CRPPA: variants seen among roughly 807,000 people sequenced by gnomAD.
CRPPA encodes the protein D-ribitol-5-phosphate cytidylyltransferase.
CRPPA carries 43 observed loss-of-function variants against 52.0 expected under a neutral mutation model. The observed-to-expected ratio is 0.83, with a 90% CI of 0.65 to 1.07. The LOEUF (loss-of-function observed/expected upper bound fraction) is 1.07. Among genes scored for constraint, CRPPA ranks in the 50% least tolerant of loss-of-function variants. CRPPA has a pLI of 0.00. For missense variants in CRPPA, 629 were observed against 551.7 expected, an observed-to-expected ratio of 1.14 and a Z score of -1.40; for synonymous variants, 250 against 203.5, an observed-to-expected ratio of 1.23 and a Z score of -1.94.
intron 1 of CRPPA, among the ~76,000 whole-genome samples, 173 bp from the exon 2 acceptor site, chr7:16,406,510 G>T (rs1408378034): frequency 6.6e-6 from 1 of 152,154 alleles, no homozygotes; most frequent in Non-Finnish European, 1.5e-5. Context: ...TGATGAAAAA[G>T]AATCAGTGAG....
At chr7:16,169,356 C>T (rs1035827616) in intron 9 of CRPPA, among the ~76,000 whole-genome samples, 1 of 152,044 alleles carries the variant, frequency 6.6e-6, no homozygotes, top group Non-Finnish European at 1.5e-5. Flanking sequence ...ACAGAAAAAG[C>T]TCCAGCTATA....
At chr7:16,279,855 T>A (rs536009645) in intron 5 of CRPPA, among the ~76,000 whole-genome samples, 2 of 152,330 alleles carry the variant, frequency 1.3e-5, no homozygotes, top group East Asian at 3.9e-4. Flanking sequence ...ACACTCCTGA[T>A]AAAGATATAC....
intron 9 of CRPPA, among the ~76,000 whole-genome samples, chr7:16,149,596 A>C (rs1449170590): frequency 3.3e-5 from 5 of 152,216 alleles, no homozygotes; most frequent in African/African-American, 4.8e-5. Flanking sequence ...ATTTAAAGAG[A>C]TATTATGTAG....
At chr7:16,275,870 GA>G (rs925724525) in intron 6 of CRPPA, among the ~76,000 whole-genome samples, 7 of 145,856 alleles carry the variant, frequency 4.8e-5, no homozygotes, top group South Asian at 4.3e-4. Flanking sequence ...CAGAAAGAAA[GA>G]AAAAAAAAGA....
chr7:16,213,617 C>T (rs552155087), intron 9 of CRPPA, among the ~76,000 whole-genome samples: 11 of 151,848 alleles, frequency 7.2e-5, no homozygotes, highest in Admixed American at 3.3e-4. Context: ...GGCATGGTGG[C>T]GGGCACCCAT....
Position 16,200,389 on chromosome 7 carries a change from T to C in CRPPA, c.1251+15677A>G, listed in dbSNP as rs138148204. Among the ~76,000 whole-genome samples, 77 of 152,296 alleles carry C rather than the reference T, an allele frequency of 5.1e-4. No homozygotes were observed. The East Asian group carries it at 0.013, about 26-fold the overall frequency. ...TCAAATCTATATAGTATTTCAAAAGTTGTATTACACAAAGAGTAGTATTTA... is the reference window on the plus strand; with the variant it reads ...TCAAATCTATATAGTATTTCAAAAGCTGTATTACACAAAGAGTAGTATTTA... On this transcript the variant is annotated intron_variant, in intron 9 of 9. Coordinates refer to ENST00000407010, the MANE Select transcript of CRPPA (RefSeq NM_001101426.4).
At chr7:16,400,683 C>A (rs1191367813) in intron 2 of CRPPA, among the ~76,000 whole-genome samples, 2 of 152,184 alleles carry the variant, frequency 1.3e-5, no homozygotes, top group Non-Finnish European at 2.9e-5. Context: ...TTGTGAGATA[C>A]ATAACCAACT....
chr7:16,397,374 G>A (rs896837790), intron 2 of CRPPA, among the ~76,000 whole-genome samples: 1 of 152,190 alleles, frequency 6.6e-6, no homozygotes, highest in African/African-American at 2.4e-5. Flanking sequence ...TGTGTAACAC[G>A]TGTGACATAT....
In CRPPA at chr7:16,361,908, G is replaced by A. The variant is rs191053685; in HGVS notation, c.684+14184C>T. 1.6e-4 allele frequency among the ~76,000 whole-genome samples: 25 copies of A among 152,188 alleles called. No homozygotes were observed. In the East Asian group the frequency reaches 4.8e-3, roughly 29 times the overall value. ...CTCGCTCTATCGCCCAGGCTGGAGC[G>A]CAGTGGCTCTATCTCGGCTCACTGC... On this transcript the variant is annotated intron_variant, in intron 3 of 9. Transcript: ENST00000407010.
At chr7:16,274,132 C>T (rs762577749) in intron 6 of CRPPA, among the ~76,000 whole-genome samples, 1 of 152,186 alleles carries the variant, frequency 6.6e-6, no homozygotes, top group Admixed American at 6.5e-5. Context: ...TCACTGCAAC[C>T]TCTGCCTCCC....
chr7:16,145,287 C>T lies in CRPPA; in HGVS notation c.1252-53488G>A, dbSNP rs200168315. 9.8e-5 allele frequency among the ~76,000 whole-genome samples: 15 copies of T among 152,314 alleles called. No homozygotes were observed. The East Asian group carries it at 2.9e-3, about 29-fold the overall frequency. On this transcript the variant is annotated intron_variant, in intron 9 of 9. Coordinates refer to ENST00000407010, the MANE Select transcript of CRPPA (RefSeq NM_001101426.4). Reference sequence around the variant, plus strand: ...ATGCAGATATGAGTGAGGAACCTGGCACAACCATAGGACCCCACTCCATCT... The same window carrying T: ...ATGCAGATATGAGTGAGGAACCTGGTACAACCATAGGACCCCACTCCATCT...
intron 9 of CRPPA, among the ~76,000 whole-genome samples, chr7:16,212,837 G>C (rs542280743): frequency 6.6e-6 from 1 of 152,248 alleles, no homozygotes; most frequent in Non-Finnish European, 1.5e-5. Flanking sequence ...CCAGTGTGGA[G>C]GGCAACAGAC....
At chr7:16,397,628 G>A (rs1472484167) in intron 2 of CRPPA, among the ~76,000 whole-genome samples, 4 of 152,058 alleles carry the variant, frequency 2.6e-5, no homozygotes, top group African/African-American at 9.7e-5. Context: ...TGACCAACAC[G>A]TGTGTGACAC....
chr7:16,161,895 C>A (rs1780901887), intron 9 of CRPPA, among the ~76,000 whole-genome samples: 1 of 152,140 alleles, frequency 6.6e-6, no homozygotes. Context: ...GATTCAATTT[C>A]TTCCTGGTTT....
intron 6 of CRPPA, among the ~76,000 whole-genome samples, chr7:16,275,686 G>C (rs746619938): frequency 1.3e-5 from 2 of 152,040 alleles, no homozygotes; most frequent in Non-Finnish European, 2.9e-5. Flanking sequence ...AAAAAAATTA[G>C]CTGGGCATTG....
Position 16,342,774 on chromosome 7 carries a change from A to C in CRPPA, c.684+33318T>G, listed in dbSNP as rs371513592. On this transcript the variant is annotated intron_variant, in intron 3 of 9. Transcript: ENST00000407010. Reference sequence around the variant, plus strand: ...GAACCCTGTCTCCACAAAAAAAAAAAAAAAAAAAATATATATATATATATC... The same window carrying C: ...GAACCCTGTCTCCACAAAAAAAAAACAAAAAAAAATATATATATATATATC... 9.6e-5 allele frequency among the ~76,000 whole-genome samples: 5 copies of C among 51,862 alleles called. 1 individual carries two copies. Among genetic ancestry groups the C allele is most frequent in the Middle Eastern group, 8.9e-3 (1 of 112 alleles). 34.0% of individuals were successfully genotyped at this position (51,862 alleles called of 152,430 possible). A position where few individuals can be genotyped will look rare whatever the true frequency, so the allele number is the denominator to read the frequency against.
rs1407497644 is a variant in CRPPA at position 16,228,697 on chromosome 7, GTTT to G, written c.1120-12503_1120-12501del. ...TTCAATCTTAAGTATTTTAACACTTGTTTCATAGCCTAACATGATTTACCCTGG... is the reference window on the plus strand; with the variant it reads ...TTCAATCTTAAGTATTTTAACACTTGCATAGCCTAACATGATTTACCCTGG... On this transcript the variant is annotated intron_variant, in intron 8 of 9. Coordinates refer to ENST00000407010, the MANE Select transcript of CRPPA (RefSeq NM_001101426.4). Among the ~76,000 whole-genome samples, 1,209 of 151,996 alleles carry G rather than the reference GTTT, an allele frequency of 8.0e-3. 13 individuals carry two copies. Among genetic ancestry groups the G allele is most frequent in the African/African-American group, 0.028 (1,150 of 41,506 alleles).
At chr7:16,251,190 A>G (rs780157038) in intron 8 of CRPPA, among the ~76,000 whole-genome samples, 3 of 152,216 alleles carry the variant, frequency 2.0e-5, no homozygotes, top group Admixed American at 1.3e-4. Flanking sequence ...TCCTAAATAT[A>G]TATACACCCA....
chr7:16,122,491 A>G (rs1307635572), intron 9 of CRPPA, among the ~76,000 whole-genome samples: 1 of 152,096 alleles, frequency 6.6e-6, no homozygotes, highest in Non-Finnish European at 1.5e-5. Flanking sequence ...GGAAGTTCTT[A>G]TAATTACACA....
Sources: gnomAD v4.1 joint callset for allele counts (sites outside exome capture counted in the v4.1 genomes callset) on GRCh38, gnomAD v4.1.1 for gene constraint, MANE v1.5 for transcripts, NCBI Gene and HGNC (gene_info 2026-07-23, HGNC 2026-07-21) for gene names.